FOCAD: variants seen among roughly 807,000 people sequenced by gnomAD.
FOCAD encodes focadhesin.
Under a neutral mutation model 225.6 loss-of-function variants are expected in FOCAD, and 198 were observed. The observed-to-expected ratio is 0.88, with a 90% CI of 0.78 to 0.99. The LOEUF is 0.99. Ranked by LOEUF, FOCAD falls within the 50% of genes least tolerant of loss-of-function variation. The probability of loss-of-function intolerance (pLI) is 0.00; values close to 1 mark genes in which losing one functional copy is unlikely to be tolerated. For missense variants in FOCAD, 2,713 were observed against 2,123.6 expected (o/e 1.28, Z -5.46); for synonymous variants, 897 against 755.0 (o/e 1.19, Z -3.08).
At position 20,708,066 on chromosome 9, in the gene FOCAD, C is replaced by T. The variant is rs182109028; in HGVS notation, c.-32-7256C>T. ...ATTTGAAAAGTATAGGCAGAATTTT[C>T]CCCCTCTTTTTTGAGGGACAGGGTC... is the stretch of plus-strand genomic sequence containing the variant. On this transcript the variant is annotated intron_variant, in intron 1 of 43. Transcript: ENST00000338382. Among the ~76,000 whole-genome samples, 96 of 152,256 alleles carry T rather than the reference C, an allele frequency of 6.3e-4. No individual in the cohort carries two copies. The East Asian group carries it at 0.012, about 19-fold the overall frequency.
intron 15 of FOCAD, among the ~76,000 whole-genome samples, chr9:20,844,207 C>A (rs1037522315): frequency 2.0e-5 from 3 of 152,024 alleles, no homozygotes; most frequent in East Asian, 1.9e-4. Context: ...ATTTAGCCAA[C>A]TGACCATTTT....
intron 21 of FOCAD, among the ~76,000 whole-genome samples, chr9:20,893,726 G>C (rs967359654): frequency 6.6e-5 from 10 of 151,996 alleles, no homozygotes; most frequent in African/African-American, 2.4e-4. Flanking sequence ...AGCAGTTTTA[G>C]GTTCACAGCA....
At chr9:20,731,080 A>G (rs1826647608) in intron 4 of FOCAD, among the ~76,000 whole-genome samples, 1 of 152,110 alleles carries the variant, frequency 6.6e-6, no homozygotes, top group African/African-American at 2.4e-5. Context: ...TACTAAAAAT[A>G]CAAAAAAAAT....
At chr9:20,955,605 C>T (rs1240300308) in intron 35 of FOCAD, among the ~76,000 whole-genome samples, 1 of 149,856 alleles carries the variant, frequency 6.7e-6, no homozygotes, top group Non-Finnish European at 1.5e-5. Context: ...ATATATTGTT[C>T]CTTAATCTTT....
chr9:20,881,801 TAAG>T, intron 19 of FOCAD, 67 bp from the exon 20 acceptor site: 1 of 1,498,212 alleles, frequency 6.7e-7, no homozygotes, highest in Non-Finnish European at 9.1e-7. Flanking sequence ...GTATATGAGT[TAAG>T]AACGCATGTT....
chr9:20,867,875 A>G (rs921742184), intron 18 of FOCAD, among the ~76,000 whole-genome samples: 1 of 152,044 alleles, frequency 6.6e-6, no homozygotes, highest in Non-Finnish European at 1.5e-5. Flanking sequence ...TTTCTTCTGG[A>G]TTGCGTTTAT....
intron 35 of FOCAD, among the ~76,000 whole-genome samples, chr9:20,961,709 C>T (rs1036795464): frequency 6.6e-6 from 1 of 152,124 alleles, no homozygotes; most frequent in South Asian, 2.1e-4. Flanking sequence ...CTCTCATTAT[C>T]CTCAATATAT....
At chr9:20,695,893 A>G (rs1014102699) in intron 1 of FOCAD, among the ~76,000 whole-genome samples, 1 of 152,240 alleles carries the variant, frequency 6.6e-6, no homozygotes, top group African/African-American at 2.4e-5. Flanking sequence ...TGTTGTGTAT[A>G]GTCAAGATTG....
At chr9:20,862,819 T>C (rs1292263235) in intron 16 of FOCAD, 107 bp downstream of exon 16, 2 of 1,308,330 alleles carry the variant, frequency 1.5e-6, no homozygotes, top group East Asian at 4.8e-5. Context: ...GTTGTTGTTG[T>C]TCTGAGACCA....
At position 20,912,958 on chromosome 9, in the gene FOCAD, A is replaced by G; in HGVS notation, c.2807+4A>G. On this transcript the variant is annotated splice_donor_region_variant and intron_variant, in intron 23 of 43. Transcript: ENST00000338382. ...AAAAAAGCACAGCCTGGCTCTGGTA[A>G]GTGTTCATGTTCAGCTGCCCATTAT... 1 of 1,610,752 alleles carries G rather than the reference A, an allele frequency of 6.2e-7. No individual in the cohort carries two copies. The highest frequency in any genetic ancestry group is 8.5e-7 in the Non-Finnish European group (1 of 1,177,626).
chr9:20,744,364 A>G (rs1827876157), intron 5 of FOCAD, among the ~76,000 whole-genome samples: 2 of 152,212 alleles, frequency 1.3e-5, no homozygotes, highest in South Asian at 2.1e-4. Flanking sequence ...TATGTAGTTA[A>G]TGCAGCTCAT....
chr9:20,723,035 T>A (rs901201016), intron 4 of FOCAD, among the ~76,000 whole-genome samples: 2 of 152,228 alleles, frequency 1.3e-5, no homozygotes, highest in African/African-American at 4.8e-5. Context: ...GAAGATAATC[T>A]TAGAAAATTA....
At chr9:20,929,232 T>G in intron 26 of FOCAD, 126 bp from the exon 27 acceptor site, 1 of 672,302 alleles carries the variant, frequency 1.5e-6, no homozygotes, top group Non-Finnish European at 2.6e-6. Flanking sequence ...TTAAAAAATG[T>G]ATTATTTTGG....
intron 6 of FOCAD, among the ~76,000 whole-genome samples, chr9:20,761,949 C>G (rs532445808): frequency 1.1e-4 from 16 of 152,168 alleles, no homozygotes; most frequent in Admixed American, 7.2e-4. Context: ...TCATCAGATA[C>G]CACATGCAGA....
Position 20,995,729 on chromosome 9 carries a change from A to T in FOCAD, c.*100A>T. 1 of 1,061,954 alleles carries T rather than the reference A, an allele frequency of 9.4e-7. No individual in the cohort carries two copies. The highest frequency in any genetic ancestry group is 1.8e-5 in the Admixed American group (1 of 54,698). The allele number at this position is 1,061,954 out of a possible 1,614,324, so 65.8% of individuals were successfully genotyped here. A position where few individuals can be genotyped will look rare whatever the true frequency, so the allele number is the denominator to read the frequency against. The stretch of plus-strand genomic sequence containing the variant: ...TCATGCCTGGTATTGCTGAGACATG[A>T]TGCAGAGAGTTAAGGGTCATGAAAA... On this transcript the variant is annotated 3_prime_UTR_variant, in exon 44 of 44. Transcript: ENST00000338382.
intron 33 of FOCAD, among the ~76,000 whole-genome samples, chr9:20,950,549 AT>A (rs2132371851): frequency 6.6e-6 from 1 of 152,324 alleles, no homozygotes; most frequent in Non-Finnish European, 1.5e-5. Context: ...GAAAATTATT[AT>A]TTTAAAAATC....
intron 11 of FOCAD, among the ~76,000 whole-genome samples, chr9:20,812,351 ATCT>A (rs66951070): frequency 0.16 from 24,126 of 151,872 alleles, 2,424 homozygotes; most frequent in Non-Finnish European, 0.21. Flanking sequence ...GTATTGTCTC[ATCT>A]TCTAACCATG....
intron 21 of FOCAD, among the ~76,000 whole-genome samples, chr9:20,905,809 T>A (rs1832905909): frequency 6.6e-6 from 1 of 152,022 alleles, no homozygotes; most frequent in Admixed American, 6.6e-5. Flanking sequence ...CAAGGATTTA[T>A]GTTGACTTAT....
At chr9:20,861,596 C>T (rs933971220) in intron 15 of FOCAD, among the ~76,000 whole-genome samples, 14 of 152,150 alleles carry the variant, frequency 9.2e-5, no homozygotes, top group Admixed American at 2.6e-4. Flanking sequence ...TCCTTTGAGC[C>T]TCTTCTTAAT....
Sources: allele counts gnomAD v4.1 joint callset (sites outside exome capture counted in the v4.1 genomes callset), GRCh38; gene constraint gnomAD v4.1.1; transcripts MANE v1.5; gene names NCBI Gene and HGNC (gene_info 2026-07-23, HGNC 2026-07-21).